Variants in CENPW observed in about 807,000 individuals in gnomAD.
CENPW encodes the protein cancer-up-regulated gene 2 protein.
A neutral mutation model predicts 11.1 loss-of-function variants in CENPW; 3 were observed. The observed-to-expected ratio is 0.27, with a 90% CI of 0.12 to 0.70. The LOEUF is 0.70. Ranked by LOEUF, CENPW falls within the 30% of genes least tolerant of loss-of-function variation. The pLI is 0.77. For synonymous variants in CENPW, 38 were observed against 42.0 expected (o/e 0.91, Z 0.37); for missense variants, 100 against 105.6 (o/e 0.95, Z 0.23).
the CENPW span, among the ~76,000 whole-genome samples, chr6:126,399,384 G>A: frequency 2.6e-5 from 4 of 152,022 alleles, no homozygotes; most frequent in South Asian, 6.2e-4. Context: ...CTGGCACAAG[G>A]GCAGAGTGGA....
chr6:126,364,806 T>C, the CENPW span, among the ~76,000 whole-genome samples: 2 of 152,198 alleles, frequency 1.3e-5, no homozygotes, highest in Admixed American at 1.3e-4. Context: ...ACTGAACTAC[T>C]GTGGGATATA....
downstream of CENPW, among the ~76,000 whole-genome samples, chr6:126,352,057 G>C (rs1780497443): frequency 6.6e-6 from 1 of 152,058 alleles, no homozygotes; most frequent in African/African-American, 2.4e-5. Flanking sequence ...TTTCTAGCAG[G>C]TAGCCAGGTG....
At chr6:126,360,503 G>A in the CENPW span, among the ~76,000 whole-genome samples, 2 of 152,076 alleles carry the variant, frequency 1.3e-5, no homozygotes, top group African/African-American at 4.8e-5. Flanking sequence ...TTTGTGATAT[G>A]TAACCTCAAA....
the CENPW span, among the ~76,000 whole-genome samples, chr6:126,473,719 A>T: frequency 6.7e-6 from 1 of 150,210 alleles, no homozygotes. Flanking sequence ...GACGAGAGTG[A>T]ATCTCTCTCT....
downstream of CENPW, among the ~76,000 whole-genome samples, chr6:126,350,040 T>C (rs1336050399): frequency 1.3e-5 from 2 of 152,042 alleles, no homozygotes; most frequent in African/African-American, 4.8e-5. Flanking sequence ...TCAGGTTTAA[T>C]TTTTTAAAAA....
chr6:126,409,388 GTGAATTCTTCAGC>G, the CENPW span, among the ~76,000 whole-genome samples: 1 of 152,120 alleles, frequency 6.6e-6, no homozygotes. Context: ...TGAGAAGAAT[GTGAATTCTTCAGC>G]TGTTGGATGA....
chr6:126,360,234 G>C, the CENPW span, among the ~76,000 whole-genome samples: 1 of 152,130 alleles, frequency 6.6e-6, no homozygotes, highest in African/African-American at 2.4e-5. Flanking sequence ...TTACTTCAAG[G>C]ATGCTGAAAA....
At chr6:126,398,063 T>A in the CENPW span, among the ~76,000 whole-genome samples, 9 of 152,308 alleles carry the variant, frequency 5.9e-5, no homozygotes, top group South Asian at 1.9e-3. Context: ...CATTCCAGTT[T>A]TTCTCAGACA....
chr6:126,410,980 A>G, the CENPW span, among the ~76,000 whole-genome samples: 2 of 151,840 alleles, frequency 1.3e-5, no homozygotes, highest in Admixed American at 1.3e-4. Flanking sequence ...CCATCAAGTC[A>G]TTTATTTCCT....
At chr6:126,373,044 A>G in the CENPW span, among the ~76,000 whole-genome samples, 5 of 152,208 alleles carry the variant, frequency 3.3e-5, no homozygotes, top group South Asian at 1.0e-3. Context: ...TTATAGTTGA[A>G]TAACTGTATT....
the CENPW span, among the ~76,000 whole-genome samples, chr6:126,364,272 G>T: frequency 1.3e-5 from 2 of 152,248 alleles, no homozygotes; most frequent in South Asian, 4.1e-4. Flanking sequence ...ATCCTGTTTT[G>T]ACCTAGTCCT....
chr6:126,351,468 G>A (rs951040335), downstream of CENPW, among the ~76,000 whole-genome samples: 1 of 151,984 alleles, frequency 6.6e-6, no homozygotes, highest in African/African-American at 2.4e-5. Context: ...GTCGTCTGGG[G>A]TGTTTATATG....
the CENPW span, among the ~76,000 whole-genome samples, chr6:126,384,807 A>T: frequency 2.2e-4 from 33 of 152,312 alleles, no homozygotes; most frequent in African/African-American, 7.7e-4. Context: ...ACAGCCAAAG[A>T]AACTATCAAT....
the CENPW span, among the ~76,000 whole-genome samples, chr6:126,455,381 C>T: frequency 1.3e-5 from 2 of 151,142 alleles, no homozygotes; most frequent in East Asian, 1.9e-4. Context: ...GGTGGATTTG[C>T]GTCACTTTAC....
At chr6:126,430,689 C>T in the CENPW span, among the ~76,000 whole-genome samples, 10 of 152,032 alleles carry the variant, frequency 6.6e-5, no homozygotes, top group Non-Finnish European at 1.0e-4. Context: ...GCGGTGGCCA[C>T]GCCTGTAATC....
chr6:126,357,327 T>C, the CENPW span, among the ~76,000 whole-genome samples: 1 of 152,228 alleles, frequency 6.6e-6, no homozygotes, highest in African/African-American at 2.4e-5. Context: ...TTTTGATTAC[T>C]GTAGCCTTAT....
chr6:126,371,221 G>T, the CENPW span, among the ~76,000 whole-genome samples: 83 of 152,222 alleles, frequency 5.5e-4, no homozygotes, highest in African/African-American at 2.0e-3. Context: ...GCTGGCTGTG[G>T]GTTTGTCATA....
chr6:126,370,448 TG>T, the CENPW span, among the ~76,000 whole-genome samples: 2 of 152,214 alleles, frequency 1.3e-5, no homozygotes, highest in African/African-American at 4.8e-5. Flanking sequence ...ATCAGCATTT[TG>T]TAGTTTTCCT....
the CENPW span, among the ~76,000 whole-genome samples, chr6:126,376,681 A>AATT: frequency 6.6e-6 from 1 of 152,184 alleles, no homozygotes; most frequent in African/African-American, 2.4e-5. Flanking sequence ...GTGGCTAGTC[A>AATT]CAAATCATGT....
Sources: allele counts gnomAD v4.1 joint callset (sites outside exome capture counted in the v4.1 genomes callset), GRCh38; gene constraint gnomAD v4.1.1; transcripts MANE v1.5; gene names NCBI Gene and HGNC (gene_info 2026-07-23, HGNC 2026-07-21).